LDAH: variants seen among roughly 807,000 people sequenced by gnomAD.
LDAH encodes lipid droplet-associated hydrolase.
In LDAH, 26 loss-of-function variants were observed where a neutral mutation model predicts 29.6. The observed-to-expected ratio is 0.88, with a 90% CI of 0.64 to 1.22. The LOEUF is 1.22. LDAH is among the 50% of genes most tolerant of loss of function. The pLI, the probability that LDAH is intolerant of heterozygous loss-of-function variation, is 0.00. For synonymous variants in LDAH, 117 were observed against 133.0 expected (o/e 0.88, Z 0.83); for missense variants, 344 against 387.3 (o/e 0.89, Z 0.94).
At position 20,685,016 on chromosome 2, in the gene LDAH, T is replaced by C. The variant is rs1381521017; in HGVS notation, c.*1887A>G. 1.3e-6 allele frequency: 2 copies of C among 1,491,846 alleles called. No individual in the cohort carries two copies. The highest frequency in any genetic ancestry group is 1.8e-6 in the Non-Finnish European group (2 of 1,108,226). 92.4% of individuals were successfully genotyped at this position (1,491,846 alleles called of 1,614,324 possible). ...CAGGAGAACTGCTCAAATTGTACCC[T>C]CTCTTGCCCAACACAGAGATCAGGC... On this transcript the variant is annotated 3_prime_UTR_variant, in exon 7 of 7. Coordinates refer to ENST00000237822, the MANE Select transcript of LDAH (RefSeq NM_021925.4).
intron 6 of LDAH, among the ~76,000 whole-genome samples, chr2:20,692,028 G>A (rs538047885): frequency 6.6e-6 from 1 of 152,144 alleles, no homozygotes; most frequent in South Asian, 2.1e-4. Context: ...CTTTTTGGGG[G>A]GTCTACAAAC....
chr2:20,813,920 C>A (rs1672670534), intron 1 of LDAH, among the ~76,000 whole-genome samples: 1 of 152,034 alleles, frequency 6.6e-6, no homozygotes, highest in African/African-American at 2.4e-5. Context: ...TTTTTCTTAT[C>A]AGTCTGTAAG....
rs531681337 is a variant in LDAH, at chr2:20,780,036, G to C, written c.299-5057C>G. On this transcript the variant is annotated intron_variant, in intron 3 of 6. Coordinates refer to ENST00000237822, the MANE Select transcript of LDAH (RefSeq NM_021925.4). ...TTCACAACTGTCCTGAGGTTACTAGGCTGAAGTGGGAGTACACTCTCATCA... is the reference window on the plus strand; with the variant it reads ...TTCACAACTGTCCTGAGGTTACTAGCCTGAAGTGGGAGTACACTCTCATCA... Among the ~76,000 whole-genome samples, 4 of 152,242 alleles carry C rather than the reference G, an allele frequency of 2.6e-5. No individual in the cohort carries two copies. In the East Asian group the frequency reaches 7.7e-4, roughly 29 times the overall value.
intron 5 of LDAH, among the ~76,000 whole-genome samples, chr2:20,708,297 G>A (rs1350323829): frequency 6.6e-6 from 1 of 152,146 alleles, no homozygotes; most frequent in Non-Finnish European, 1.5e-5. Flanking sequence ...TGCCTTGGTG[G>A]TGGAGTAAAA....
chr2:20,733,848 GTAT>G (rs1666596148), intron 5 of LDAH, among the ~76,000 whole-genome samples: 1 of 152,136 alleles, frequency 6.6e-6, no homozygotes, highest in Non-Finnish European at 1.5e-5. Context: ...ATTACATGTA[GTAT>G]TATTTGAATT....
intron 1 of LDAH, among the ~76,000 whole-genome samples, chr2:20,810,251 G>A (rs1160199648): frequency 1.3e-5 from 2 of 152,176 alleles, no homozygotes; most frequent in African/African-American, 4.8e-5. Flanking sequence ...TAGGCTGTTG[G>A]CCTGGAACAC....
intron 5 of LDAH, among the ~76,000 whole-genome samples, chr2:20,726,469 G>A (rs943593220): frequency 1.3e-5 from 2 of 152,184 alleles, no homozygotes; most frequent in African/African-American, 4.8e-5. Context: ...GAGTAAGGCT[G>A]GGTACTCAGA....
chr2:20,810,330 G>C (rs1312841725), intron 1 of LDAH, among the ~76,000 whole-genome samples: 1 of 152,152 alleles, frequency 6.6e-6, no homozygotes, highest in Non-Finnish European at 1.5e-5. Context: ...ATGGTGGCTT[G>C]GTTCCAAGAG....
chr2:20,788,859 GTTATT>G (rs1291556849), intron 3 of LDAH: 2 of 325,326 alleles, frequency 6.1e-6, no homozygotes, highest in East Asian at 1.6e-4. Flanking sequence ...TTATATTTAA[GTTATT>G]TTTTCTCTCA....
chr2:20,703,916 A>G (rs994120352), intron 5 of LDAH, among the ~76,000 whole-genome samples: 1 of 152,220 alleles, frequency 6.6e-6, no homozygotes, highest in South Asian at 2.1e-4. Context: ...CAGAAACACT[A>G]TTCTTGAGCT....
chr2:20,760,883 T>G (rs1358496387), intron 4 of LDAH, among the ~76,000 whole-genome samples: 1 of 152,208 alleles, frequency 6.6e-6, no homozygotes, highest in East Asian at 1.9e-4. Flanking sequence ...GGGGATTACG[T>G]GTAGGAATGA....
At chr2:20,807,397 C>A (rs1672138902) in intron 1 of LDAH, among the ~76,000 whole-genome samples, 1 of 152,070 alleles carries the variant, frequency 6.6e-6, no homozygotes, top group Non-Finnish European at 1.5e-5. Context: ...GTAATTTTTA[C>A]TTTAAAATGT....
intron 4 of LDAH, among the ~76,000 whole-genome samples, chr2:20,741,054 T>C (rs1667136014): frequency 6.6e-6 from 1 of 152,234 alleles, no homozygotes; most frequent in South Asian, 2.1e-4. Context: ...TATGTTTATT[T>C]GTCATCTGTA....
chr2:20,760,227 G>A (rs1004181330), intron 4 of LDAH, among the ~76,000 whole-genome samples: 8 of 152,144 alleles, frequency 5.3e-5, no homozygotes, highest in African/African-American at 1.9e-4. Flanking sequence ...AAAGTGACAG[G>A]GGAAAAGGCT....
chr2:20,736,804 C>A (rs1666823179), intron 5 of LDAH, among the ~76,000 whole-genome samples: 1 of 152,132 alleles, frequency 6.6e-6, no homozygotes, highest in African/African-American at 2.4e-5. Context: ...TTGGTCACCT[C>A]CCATTACTGA....
chr2:20,683,655 G>A (rs976186439), downstream of LDAH, among the ~76,000 whole-genome samples: 1 of 152,218 alleles, frequency 6.6e-6, no homozygotes, highest in Non-Finnish European at 1.5e-5. Flanking sequence ...AATGCTGACT[G>A]CTAGAATCAA....
intron 4 of LDAH, among the ~76,000 whole-genome samples, chr2:20,742,134 T>C (rs899516558): frequency 2.6e-5 from 4 of 152,260 alleles, no homozygotes; most frequent in South Asian, 2.1e-4. Flanking sequence ...TATTGGTTTC[T>C]AGTAAAATTC....
At chr2:20,719,929 T>C (rs1665524461) in intron 5 of LDAH, among the ~76,000 whole-genome samples, 1 of 151,952 alleles carries the variant, frequency 6.6e-6, no homozygotes, top group Non-Finnish European at 1.5e-5. Flanking sequence ...CCCTCCATAA[T>C]AAAAACTCTC....
intron 5 of LDAH, among the ~76,000 whole-genome samples, chr2:20,737,679 G>A (rs1321308512): frequency 1.3e-5 from 2 of 152,120 alleles, no homozygotes; most frequent in Non-Finnish European, 2.9e-5. Flanking sequence ...GAGGGTTTGT[G>A]ACTTCCTGTC....
Sources: gnomAD v4.1 joint callset for allele counts (sites outside exome capture counted in the v4.1 genomes callset) on GRCh38, gnomAD v4.1.1 for gene constraint, MANE v1.5 for transcripts, NCBI Gene and HGNC (gene_info 2026-07-23, HGNC 2026-07-21) for gene names.